RELN: variants seen among roughly 807,000 people sequenced by gnomAD.
RELN encodes reelin.
A neutral mutation model predicts 427.6 loss-of-function variants in RELN; 108 were observed. The observed-to-expected ratio is 0.25, with a 90% confidence interval of 0.22 to 0.30. The LOEUF (loss-of-function observed/expected upper bound fraction) is 0.30, where lower values mean the gene tolerates loss of function less well. Ranked by LOEUF, RELN falls within the 10% of genes least tolerant of loss-of-function variation. The pLI is 1.00. For synonymous variants in RELN, 1,524 were observed against 1,513.4 expected (o/e 1.01, Z -0.16); for missense variants, 3,715 against 4,302.8 (o/e 0.86, Z 3.82).
chr7:103,756,308 C>T (rs1254090060), intron 4 of RELN, among the ~76,000 whole-genome samples: 5 of 152,022 alleles, frequency 3.3e-5, no homozygotes, highest in Non-Finnish European at 5.9e-5. Context: ...GGTGGAGGCC[C>T]GGAAGTTGTA....
chr7:103,951,965 G>A (rs778671318), intron 1 of RELN, among the ~76,000 whole-genome samples: 2 of 152,234 alleles, frequency 1.3e-5, no homozygotes, highest in African/African-American at 2.4e-5. Flanking sequence ...GAGCCACTGT[G>A]CCCGGCCCTC....
chr7:103,596,585 C>T lies in RELN; in HGVS notation c.3410G>A (p.Gly1137Asp). 1 of 1,614,030 alleles carries T rather than the reference C, an allele frequency of 6.2e-7. No individual in the cohort carries two copies. The highest frequency in any genetic ancestry group is 8.5e-7 in the Non-Finnish European group (1 of 1,179,944). Residue 1137 changes from glycine to aspartate, a missense_variant, in exon 25 of 65, where the codon GGC (glycine) becomes GAC (aspartate). Around this residue, in one of 4 missense-constraint regions of RELN, gnomAD observed 2,208 missense variants for 2,361.7 expected, o/e 0.93. Transcript: ENST00000428762. Reference protein sequence around the residue: ...VDFVQFYIQIGGESASCNKPD... With the variant: ...VDFVQFYIQIDGESASCNKPD... Reference sequence around the variant, plus strand: ...CTTGTTGCATGAAGCACTCTCTCCGCCTATCTGGATGTAGAACTGGACAAA... The same window carrying T: ...CTTGTTGCATGAAGCACTCTCTCCGTCTATCTGGATGTAGAACTGGACAAA...
chr7:103,982,752 T>A (rs1474287101), intron 1 of RELN, among the ~76,000 whole-genome samples: 1 of 152,180 alleles, frequency 6.6e-6, no homozygotes, highest in East Asian at 1.9e-4. Flanking sequence ...GTCACTTGGT[T>A]TGTGGGCACC....
At chr7:103,549,328 G>T (rs1830363562) in intron 41 of RELN, among the ~76,000 whole-genome samples, 1 of 152,200 alleles carries the variant, frequency 6.6e-6, no homozygotes, top group Non-Finnish European at 1.5e-5. Flanking sequence ...CATGGTGGAA[G>T]AGGCAAGGCA....
At chr7:103,591,138 C>T (rs1488609418) in intron 27 of RELN, among the ~76,000 whole-genome samples, 1 of 152,206 alleles carries the variant, frequency 6.6e-6, no homozygotes, top group African/African-American at 2.4e-5. Flanking sequence ...AAATGTCAAA[C>T]TCTTTTTCTC....
intron 64 of RELN, among the ~76,000 whole-genome samples, chr7:103,474,879 T>C (rs1827979740): frequency 6.6e-6 from 1 of 151,988 alleles, no homozygotes; most frequent in South Asian, 2.1e-4. Flanking sequence ...CATAATTGTA[T>C]ACATGTGCAT....
At chr7:103,606,370 A>G (rs1831820043) in intron 22 of RELN, among the ~76,000 whole-genome samples, 1 of 152,198 alleles carries the variant, frequency 6.6e-6, no homozygotes. Context: ...GACGGAATGA[A>G]GAATGTACTA....
intron 10 of RELN, among the ~76,000 whole-genome samples, chr7:103,682,661 C>T (rs961105755): frequency 1.3e-5 from 2 of 152,142 alleles, no homozygotes; most frequent in African/African-American, 4.8e-5. Flanking sequence ...CCATATATTT[C>T]TTACTTGCCA....
intron 53 of RELN, among the ~76,000 whole-genome samples, chr7:103,498,815 G>A (rs2117027455): frequency 8.6e-6 from 1 of 116,482 alleles, no homozygotes; most frequent in Non-Finnish European, 1.6e-5. Context: ...ACTTCTATTT[G>A]TAAAAAGTTA....
At chr7:103,719,926 T>C (rs375923397) in intron 8 of RELN, among the ~76,000 whole-genome samples, 1 of 152,184 alleles carries the variant, frequency 6.6e-6, no homozygotes, top group East Asian at 1.9e-4. Context: ...TCCAAGATGA[T>C]TTAGCTGTGG....
chr7:103,833,647 A>G lies in RELN; in HGVS notation c.363T>C (p.Gly121=). The G allele has an allele frequency of 6.2e-7, 1 of 1,613,928 alleles. No individual in the cohort carries two copies. Among genetic ancestry groups the G allele is most frequent in the East Asian group, 2.2e-5 (1 of 44,848 alleles). ...GFGIMSDHQF[G]NQFMCSVVAS... ...CTACCACACTGCACATAAACTGGTT[A>G]CCAAACTGGTGGTCAGACATGATCC... The change falls in exon 3 of 65, where the codon GGT becomes GGC. Residue 121 remains glycine (G), a synonymous_variant. Coordinates refer to ENST00000428762, the MANE Select transcript of RELN (RefSeq NM_005045.4).
At chr7:103,473,380 T>C (rs1827923399) in intron 64 of RELN, among the ~76,000 whole-genome samples, 1 of 152,158 alleles carries the variant, frequency 6.6e-6, no homozygotes, top group Admixed American at 6.5e-5. Flanking sequence ...AGAAACAGAC[T>C]GTTAGCTGGA....
At chr7:103,499,071 C>T (rs939177351) in intron 53 of RELN, among the ~76,000 whole-genome samples, 1 of 152,100 alleles carries the variant, frequency 6.6e-6, no homozygotes, top group Admixed American at 6.6e-5. Flanking sequence ...ACAGAATGAA[C>T]CTTGAAGGTC....
chr7:103,562,129 T>C (rs1471703918), intron 34 of RELN, among the ~76,000 whole-genome samples, 176 bp from the exon 35 acceptor site: 1 of 152,248 alleles, frequency 6.6e-6, no homozygotes, highest in Non-Finnish European at 1.5e-5. Flanking sequence ...CTGTTTTCTC[T>C]TGACTCATAA....
chr7:103,479,813 G>T (rs533362965), intron 63 of RELN, among the ~76,000 whole-genome samples: 1 of 152,134 alleles, frequency 6.6e-6, no homozygotes, highest in East Asian at 1.9e-4. Context: ...GTGTTTTCTT[G>T]GCTAATATGG....
intron 6 of RELN, among the ~76,000 whole-genome samples, chr7:103,737,086 G>A (rs998124848): frequency 2.0e-5 from 3 of 151,238 alleles, no homozygotes; most frequent in African/African-American, 7.4e-5. Context: ...GATCAAAATA[G>A]TGAACCATTA....
At position 103,489,862 on chromosome 7, in the gene RELN, T is replaced by C. The variant is rs142094612; in HGVS notation, c.9643A>G (p.Thr3215Ala). 6.2e-6 allele frequency: 10 copies of C among 1,614,060 alleles called. No homozygotes were observed. The highest frequency in any genetic ancestry group is 5.3e-5 in the African/African-American group (4 of 74,910). Residue 3215 changes from threonine (T) to alanine (A), a missense_variant, in exon 60 of 65, where the codon ACT becomes GCT. Physicochemically the swap from Thr to Ala is moderately conservative, Grantham distance 58. Around this residue, in one of 4 missense-constraint regions of RELN, gnomAD observed 1,310 missense variants for 1,643.0 expected, o/e 0.80. Transcript: ENST00000428762. ...QFRWIQKGEE[T>A]EKQSWAIDHV... ...TCAATTGCCCAGCTTTGCTTCTCAGTTTCTTCTCCCTTCTGGATCCAGCGG... is the reference window on the plus strand; with the variant it reads ...TCAATTGCCCAGCTTTGCTTCTCAGCTTCTTCTCCCTTCTGGATCCAGCGG...
intron 6 of RELN, among the ~76,000 whole-genome samples, chr7:103,731,959 A>G (rs1000030885): frequency 1.3e-5 from 2 of 152,126 alleles, no homozygotes; most frequent in Admixed American, 1.3e-4. Flanking sequence ...TATGGGGTGT[A>G]TTCTATGCTT....
chr7:103,708,184 T>C (rs1168400223), intron 8 of RELN, among the ~76,000 whole-genome samples: 2 of 152,226 alleles, frequency 1.3e-5, no homozygotes, highest in East Asian at 1.9e-4. Flanking sequence ...ACTTTTGTCA[T>C]AGGAAGCCAG....
Sources: gnomAD v4.1 joint callset for allele counts (sites outside exome capture counted in the v4.1 genomes callset) on GRCh38, gnomAD v4.1.1 for gene constraint, gnomAD v4.1.1 regional missense constraint, MANE v1.5 for transcripts, NCBI Gene and HGNC (gene_info 2026-07-23, HGNC 2026-07-21) for gene names.